Variants in FRMD6 observed in about 807,000 individuals in gnomAD.
FRMD6 encodes the protein FERM domain-containing protein 6.
In FRMD6, 37 loss-of-function variants were observed where a neutral mutation model predicts 73.2. The ratio of observed to expected loss-of-function variants is 0.51; its 90% CI spans 0.39 to 0.66. The LOEUF (loss-of-function observed/expected upper bound fraction) is 0.66. Ranked by LOEUF, FRMD6 falls within the 30% of genes least tolerant of loss-of-function variation. The probability of loss-of-function intolerance (pLI) is 0.00; values close to 1 mark genes in which losing one functional copy is unlikely to be tolerated. For synonymous variants in FRMD6, 273 were observed against 282.2 expected (o/e 0.97, Z 0.33); for missense variants, 714 against 780.5 (o/e 0.91, Z 1.02).
the FRMD6 span, among the ~76,000 whole-genome samples, chr14:51,443,080 G>A: frequency 1.6e-3 from 238 of 152,264 alleles, 2 homozygotes; most frequent in Non-Finnish European, 2.9e-3. Flanking sequence ...TTAATCTTAC[G>A]TGCATCATCC....
intron 1 of FRMD6, among the ~76,000 whole-genome samples, chr14:51,568,126 T>C (rs1887882244): frequency 6.6e-6 from 1 of 152,280 alleles, no homozygotes; most frequent in African/African-American, 2.4e-5. Context: ...AGTTCATTTA[T>C]GTCTTTTCTA....
chr14:51,716,438 G>C (rs1163444884), intron 10 of FRMD6, among the ~76,000 whole-genome samples: 1 of 152,008 alleles, frequency 6.6e-6, no homozygotes, highest in Non-Finnish European at 1.5e-5. Flanking sequence ...GAATATCAGG[G>C]TGAAGATTCA....
At chr14:51,461,078 AT>A in the FRMD6 span, among the ~76,000 whole-genome samples, 1 of 152,224 alleles carries the variant, frequency 6.6e-6, no homozygotes, top group Non-Finnish European at 1.5e-5. Flanking sequence ...GGATTAGCAG[AT>A]TTTGACTACA....
intron 6 of FRMD6, 60 bp from the exon 7 acceptor site, chr14:51,708,018 G>T: frequency 6.7e-7 from 1 of 1,502,528 alleles, no homozygotes; most frequent in Non-Finnish European, 9.2e-7. Flanking sequence ...TTTGGGGGTG[G>T]GGGTAGAACT....
At position 51,489,415 on chromosome 14, in the gene FRMD6, C is replaced by T. The variant is rs149481419; in HGVS notation, c.-215C>T. ...GCAGCCTGGCTCCTGGTGGCTCCAG[C>T]AGCAGGTAGGAAAAAAATGTTTGTT... On this transcript the variant is annotated 5_prime_UTR_variant, in exon 1 of 15. Transcript: ENST00000356218. 3.7e-3 allele frequency: 570 copies of T among 152,742 alleles called. 9 individuals are homozygous for T. In the East Asian group the frequency reaches 0.064, roughly 17 times the overall value. 9.5% of individuals were successfully genotyped at this position (152,742 alleles called of 1,614,324 possible). A position where few individuals can be genotyped will look rare whatever the true frequency, so the allele number is the denominator to read the frequency against.
At chr14:51,639,733 A>T (rs1891736420) in intron 2 of FRMD6, among the ~76,000 whole-genome samples, 1 of 152,226 alleles carries the variant, frequency 6.6e-6, no homozygotes, top group South Asian at 2.1e-4. Context: ...GTATCTATCC[A>T]TGCAACCTCG....
intron 1 of FRMD6, among the ~76,000 whole-genome samples, chr14:51,653,868 A>G (rs1892618090): frequency 6.6e-6 from 1 of 152,236 alleles, no homozygotes; most frequent in African/African-American, 2.4e-5. Flanking sequence ...ATTTAGTAGG[A>G]TTATTAGATG....
intron 13 of FRMD6, among the ~76,000 whole-genome samples, chr14:51,726,986 A>C (rs1193870358): frequency 6.6e-6 from 1 of 152,138 alleles, no homozygotes; most frequent in Non-Finnish European, 1.5e-5. Flanking sequence ...TAATTATCAG[A>C]ATCATTTTTA....
At chr14:51,530,911 C>G (rs1885545156) in intron 1 of FRMD6, among the ~76,000 whole-genome samples, 1 of 152,188 alleles carries the variant, frequency 6.6e-6, no homozygotes, top group Admixed American at 6.5e-5. Flanking sequence ...ATACCTGAGA[C>G]TGGGTAATTT....
rs768250232 is a variant in FRMD6, at chr14:51,720,062, G to T, written c.1032G>T (p.Lys344Asn). The change falls in exon 11 of 14, where the codon AAG (lysine) becomes AAT (asparagine). Residue 344 changes from lysine (K) to asparagine (N), a missense_variant. By Grantham distance (94) the Lys-to-Asn change is moderately conservative. Coordinates refer to ENST00000344768, the MANE Select transcript of FRMD6 (RefSeq NM_001267046.2). Reference sequence around the variant, plus strand: ...GTGTTCCCCACCACGTAGAGAAGAAGCAGTACCGGGAATCTTACATCAGTG... The same window carrying T: ...GTGTTCCCCACCACGTAGAGAAGAATCAGTACCGGGAATCTTACATCAGTG... ...IRKLEENEEKKQYRESYISDN... is the reference protein window; with the variant it reads ...IRKLEENEEKNQYRESYISDN... 2 of 1,610,330 alleles carry T rather than the reference G, an allele frequency of 1.2e-6. No homozygotes were observed. The highest frequency in any genetic ancestry group is 2.2e-5 in the South Asian group (2 of 90,720).
the FRMD6 span, among the ~76,000 whole-genome samples, chr14:51,477,376 T>C: frequency 5.6e-4 from 85 of 152,276 alleles, no homozygotes; most frequent in Admixed American, 2.0e-3. Context: ...CATTTTCATA[T>C]TTACAAGAAG....
chr14:51,397,604 T>C, the FRMD6 span, among the ~76,000 whole-genome samples: 1 of 152,230 alleles, frequency 6.6e-6, no homozygotes, highest in Non-Finnish European at 1.5e-5. Context: ...ACTTTGTACC[T>C]GCTTTGTTAA....
chr14:51,595,630 A>G (rs10142663), intron 2 of FRMD6, among the ~76,000 whole-genome samples: 8,212 of 152,324 alleles, frequency 0.054, 406 homozygotes, highest in African/African-American at 0.12. Flanking sequence ...AAAGATGGCA[A>G]GGGGAAGCCC....
chr14:51,656,124 C>T (rs1011746213), intron 1 of FRMD6, among the ~76,000 whole-genome samples: 4 of 152,120 alleles, frequency 2.6e-5, no homozygotes, highest in South Asian at 2.1e-4. Flanking sequence ...TTACTTTATG[C>T]GATTTAGTGA....
At chr14:51,668,860 G>A (rs1340569770) in intron 1 of FRMD6, among the ~76,000 whole-genome samples, 1 of 145,888 alleles carries the variant, frequency 6.9e-6, no homozygotes, top group Non-Finnish European at 1.5e-5. Context: ...GCAGAGACGG[G>A]GTTTCACCGT....
At chr14:51,635,067 G>T (rs1233315474) in intron 2 of FRMD6, among the ~76,000 whole-genome samples, 1 of 151,962 alleles carries the variant, frequency 6.6e-6, no homozygotes, top group Non-Finnish European at 1.5e-5. Context: ...CCCGAGTAAG[G>T]CTTCAACTTC....
the FRMD6 span, among the ~76,000 whole-genome samples, chr14:51,480,878 A>G: frequency 6.6e-6 from 1 of 152,226 alleles, no homozygotes; most frequent in Admixed American, 6.5e-5. Context: ...GTGGCATGTC[A>G]CGGTGTGATG....
chr14:51,508,165 G>A (rs367579626), intron 1 of FRMD6, among the ~76,000 whole-genome samples: 2 of 152,086 alleles, frequency 1.3e-5, no homozygotes, highest in African/African-American at 2.4e-5. Context: ...TCCCGTGCTC[G>A]CAGCCACCTC....
At chr14:51,485,443 G>T (rs1299269888), upstream of FRMD6, among the ~76,000 whole-genome samples, 2 of 152,152 alleles carry the variant, frequency 1.3e-5, no homozygotes, top group Non-Finnish European at 2.9e-5. Context: ...AAGTGGACAT[G>T]ACCTTTGAGG....
Sources: gnomAD v4.1 joint callset for allele counts (sites outside exome capture counted in the v4.1 genomes callset) on GRCh38, gnomAD v4.1.1 for gene constraint, MANE v1.5 for transcripts, NCBI Gene and HGNC (gene_info 2026-07-23, HGNC 2026-07-21) for gene names.